ITGAM: variants seen among roughly 807,000 people sequenced by gnomAD.
ITGAM encodes the protein integrin alpha-M.
In ITGAM, 79 loss-of-function variants were observed where a neutral mutation model predicts 137.5. The observed-to-expected ratio is 0.57, with a 90% CI of 0.48 to 0.69. ITGAM has a LOEUF of 0.69. ITGAM is among the 30% of genes least tolerant of loss of function. The pLI, the probability that ITGAM is intolerant of heterozygous loss-of-function variation, is 0.00. For missense variants in ITGAM, 1,343 were observed against 1,483.5 expected (o/e 0.91, Z 1.56); for synonymous variants, 583 against 592.3 (o/e 0.98, Z 0.23).
In ITGAM at chr16:31,273,384, A is replaced by T; in HGVS notation, c.724A>T (p.Thr242Ser). The T allele has an allele frequency of 6.2e-7, 1 of 1,613,490 alleles. No individual in the cohort carries two copies. The highest frequency in any genetic ancestry group is 8.5e-7 in the Non-Finnish European group (1 of 1,179,788). The change falls in exon 8 of 30, where the codon ACC becomes TCC. Residue 242 changes from threonine to serine, a missense_variant. Physicochemically the swap from Thr to Ser is moderately conservative, Grantham distance 58. Transcript: ENST00000544665. ...GCACAGACGAGAGCTGTTTAACATC[A>T]CCAACGGAGCCCGAAAGAATGCCTT... is the stretch of plus-strand genomic sequence containing the variant. Reference protein sequence around the residue: ...RKVVRELFNITNGARKNAFKI... With the variant: ...RKVVRELFNISNGARKNAFKI...
intron 12 of ITGAM, 119 bp downstream of exon 12, chr16:31,278,228 G>A: frequency 9.3e-7 from 1 of 1,076,942 alleles, no homozygotes. Flanking sequence ...TTTGGGGGCT[G>A]TGAGCTGGGG....
chr16:31,265,025 G>A (rs1319094400), intron 2 of ITGAM, among the ~76,000 whole-genome samples: 1 of 151,890 alleles, frequency 6.6e-6, no homozygotes, highest in East Asian at 1.9e-4. Flanking sequence ...GCACCACCAC[G>A]TGTGGCTAAT....
intron 5 of ITGAM, among the ~76,000 whole-genome samples, chr16:31,268,074 T>A (rs1351890282): frequency 6.6e-6 from 1 of 152,110 alleles, no homozygotes; most frequent in Non-Finnish European, 1.5e-5. Flanking sequence ...ATGAAAACAA[T>A]CTTCTCTCTT....
intron 14 of ITGAM, among the ~76,000 whole-genome samples, chr16:31,308,671 AG>A (rs1272798710): frequency 2.0e-5 from 3 of 152,150 alleles, no homozygotes; most frequent in African/African-American, 7.2e-5. Flanking sequence ...CTCTAATCTT[AG>A]TTATTTCTTG....
intron 5 of ITGAM, 145 bp downstream of exon 5, chr16:31,266,292 G>A (rs985160792): frequency 4.8e-6 from 3 of 629,982 alleles, no homozygotes; most frequent in African/African-American, 3.7e-5. Context: ...AGCTAGGGAG[G>A]TGCTAGGGTC....
chr16:31,261,542 G>T, intron 1 of ITGAM, 150 bp from the exon 2 acceptor site: 1 of 460,418 alleles, frequency 2.2e-6, no homozygotes, highest in Non-Finnish European at 3.9e-6. Context: ...TTTTGAGATA[G>T]GATCTCTCTC....
At chr16:31,310,371 T>C (rs1419514123) in intron 14 of ITGAM, among the ~76,000 whole-genome samples, 1 of 152,168 alleles carries the variant, frequency 6.6e-6, no homozygotes, top group African/African-American at 2.4e-5. Flanking sequence ...TAGTCCCATA[T>C]TTCTTGGAGG....
intron 12 of ITGAM, among the ~76,000 whole-genome samples, chr16:31,290,533 C>T (rs779391490): frequency 8.5e-5 from 13 of 152,178 alleles, no homozygotes; most frequent in Admixed American, 3.3e-4. Context: ...CATACAACAT[C>T]GTTTCATGAT....
chr16:31,300,713 C>T (rs2080189249), intron 14 of ITGAM, among the ~76,000 whole-genome samples: 1 of 152,128 alleles, frequency 6.6e-6, no homozygotes, highest in South Asian at 2.1e-4. Flanking sequence ...GAGTTCAAGA[C>T]CAGCCTGGCC....
intron 7 of ITGAM, 125 bp from the exon 8 acceptor site, chr16:31,273,240 G>A (rs1047352013): frequency 3.8e-6 from 3 of 799,304 alleles, no homozygotes; most frequent in East Asian, 2.6e-5. Flanking sequence ...AGTCTGCAGT[G>A]AGCTATGATT....
At chr16:31,283,592 A>G (rs1430641065) in intron 12 of ITGAM, among the ~76,000 whole-genome samples, 2 of 152,112 alleles carry the variant, frequency 1.3e-5, no homozygotes, top group East Asian at 1.9e-4. Flanking sequence ...GGTCTTCTCT[A>G]TGCTGTTTAT....
intron 1 of ITGAM, among the ~76,000 whole-genome samples, chr16:31,261,473 C>T (rs143677835): frequency 6.6e-6 from 1 of 151,860 alleles, no homozygotes; most frequent in African/African-American, 2.4e-5. Flanking sequence ...TGAGCCACCA[C>T]ACCCAGCCAT....
intron 14 of ITGAM, among the ~76,000 whole-genome samples, chr16:31,302,018 A>G (rs1287020354): frequency 2.0e-5 from 3 of 152,216 alleles, no homozygotes. Context: ...CATAATCAAA[A>G]ATTAACCCTG....
At chr16:31,309,415 T>G (rs1235438004) in intron 14 of ITGAM, among the ~76,000 whole-genome samples, 5 of 131,476 alleles carry the variant, frequency 3.8e-5, no homozygotes, top group Non-Finnish European at 6.4e-5. Context: ...AATGGCCTTC[T>G]TTGTCTCTTT....
chr16:31,277,922 G>A lies in ITGAM; in HGVS notation c.1214-45G>A, dbSNP rs550652544. On this transcript the variant is annotated intron_variant, in intron 11 of 29. Coordinates refer to ENST00000544665, the MANE Select transcript of ITGAM (RefSeq NM_000632.4). ...CAAGGGGTGGGTCTGCATGGTGGAGGAGGGGGCAGGGAATGCACTTCACCT... is the reference window on the plus strand; with the variant it reads ...CAAGGGGTGGGTCTGCATGGTGGAGAAGGGGGCAGGGAATGCACTTCACCT... The A allele has an allele frequency of 1.8e-5, 28 of 1,546,288 alleles. No individual in the cohort carries two copies. In the South Asian group the frequency reaches 2.4e-4, roughly 13 times the overall value.
In ITGAM at chr16:31,332,074, G is replaced by C. The variant is rs1329748632; in HGVS notation, c.*367G>C. 1 of 223,942 alleles carries C rather than the reference G, an allele frequency of 4.5e-6. No individual in the cohort carries two copies. The allele number at this position is 223,942 out of a possible 1,614,324, so 13.9% of individuals were successfully genotyped here. A position where few individuals can be genotyped will look rare whatever the true frequency, so the allele number is the denominator to read the frequency against. On this transcript the variant is annotated 3_prime_UTR_variant, in exon 30 of 30. Transcript: ENST00000544665. ...CACGTGTGTGACTCAGATGTCTCTG[G>C]CGTGTGGGTAGGTGACGGCAGCGTA... is the stretch of plus-strand genomic sequence containing the variant.
rs929679615 is a variant in ITGAM, at chr16:31,321,026, A to T, written c.1708-215A>T. On this transcript the variant is annotated intron_variant, in intron 14 of 29. Coordinates refer to ENST00000544665, the MANE Select transcript of ITGAM (RefSeq NM_000632.4). ...CCGTTTTTATTTTAAAAGTTTTTTT[A>T]AAAAAGAAATTGTAGGTATCCTCTT... 2.6e-5 allele frequency among the ~76,000 whole-genome samples: 4 copies of T among 152,232 alleles called. No individual in the cohort carries two copies. The East Asian group carries it at 7.7e-4, about 29-fold the overall frequency.
At chr16:31,331,337 G>A (rs1248518344) in intron 29 of ITGAM, 62 bp downstream of exon 29, 4 of 888,168 alleles carry the variant, frequency 4.5e-6, no homozygotes, top group Non-Finnish European at 5.4e-6. Flanking sequence ...CTGCAGCTCC[G>A]TGCCTCGGTT....
Position 31,323,127 on chromosome 16 carries a change from T to C in ITGAM, c.2003-1272T>C, listed in dbSNP as rs897015747. ...ATAGGATGGAATAGGAAAGATGCAGTAGTTAAAGAATTTCCCCAAACTGGC... is the reference window on the plus strand; with the variant it reads ...ATAGGATGGAATAGGAAAGATGCAGCAGTTAAAGAATTTCCCCAAACTGGC... On this transcript the variant is annotated intron_variant, in intron 16 of 29. Coordinates refer to ENST00000544665, the MANE Select transcript of ITGAM (RefSeq NM_000632.4). Among the ~76,000 whole-genome samples the C allele has an allele frequency of 8.5e-4, 129 of 151,048 alleles. 9 individuals carry two copies. The highest frequency in any genetic ancestry group is 3.0e-5 in the Non-Finnish European group (2 of 67,780).
Sources: allele counts gnomAD v4.1 joint callset (sites outside exome capture counted in the v4.1 genomes callset), GRCh38; gene constraint gnomAD v4.1.1; transcripts MANE v1.5; gene names NCBI Gene and HGNC (gene_info 2026-07-23, HGNC 2026-07-21).